The following DDC variants were observed in gnomAD, a reference collection of about 807,000 sequenced individuals.
DDC encodes the protein aromatic-L-amino-acid decarboxylase.
Under a neutral mutation model 60.0 loss-of-function variants are expected in DDC, and 43 were observed. The observed-to-expected ratio is 0.72, with a 90% confidence interval of 0.56 to 0.92. The LOEUF is 0.92. DDC is among the 40% of genes least tolerant of loss of function. The pLI is 0.00. For missense variants in DDC, 573 were observed against 620.2 expected (o/e 0.92, Z 0.81); for synonymous variants, 232 against 234.6 (o/e 0.99, Z 0.10).
intron 1 of DDC, among the ~76,000 whole-genome samples, chr7:50,557,358 T>C (rs1198993832): frequency 1.3e-5 from 2 of 152,172 alleles, no homozygotes; most frequent in African/African-American, 4.8e-5. Context: ...TCTGTAACCA[T>C]GCTGTGACCT....
chr7:50,459,742 G>A (rs2153532070), intron 14 of DDC: 1 of 162,362 alleles, frequency 6.2e-6, no homozygotes, highest in South Asian at 1.7e-4. Flanking sequence ...TCTGGGAAGT[G>A]AGGAGCGTCT....
At chr7:50,551,330 A>G (rs1383402615) in intron 1 of DDC, among the ~76,000 whole-genome samples, 1 of 150,906 alleles carries the variant, frequency 6.6e-6, no homozygotes, top group African/African-American at 2.4e-5. Flanking sequence ...TCCCAGGTTC[A>G]AGCAATTCTC....
chr7:50,538,920 A>G (rs1251352380), intron 3 of DDC, among the ~76,000 whole-genome samples: 3 of 151,870 alleles, frequency 2.0e-5, no homozygotes, highest in Non-Finnish European at 4.4e-5. Flanking sequence ...GAGGAGCAGC[A>G]CAGACACTGA....
chr7:50,541,017 C>G (rs1418035301), intron 2 of DDC, among the ~76,000 whole-genome samples: 2 of 152,154 alleles, frequency 1.3e-5, no homozygotes, highest in Non-Finnish European at 2.9e-5. Flanking sequence ...CAGTACCTGC[C>G]CTGAAGGAAC....
At chr7:50,489,797 C>T (rs1165347488) in intron 9 of DDC, among the ~76,000 whole-genome samples, 1 of 152,136 alleles carries the variant, frequency 6.6e-6, no homozygotes, top group African/African-American at 2.4e-5. Flanking sequence ...GCATCTGTGT[C>T]CCTATGCCAG....
chr7:50,467,715 C>A (rs1469784943), intron 12 of DDC, among the ~76,000 whole-genome samples: 1 of 152,208 alleles, frequency 6.6e-6, no homozygotes, highest in Admixed American at 6.5e-5. Flanking sequence ...TCAGGACAGC[C>A]CACAACACAG....
rs746900309 is a variant in DDC at position 50,544,046 on chromosome 7, C to T, written c.40G>A (p.Val14Met). Residue 14 changes from valine to methionine, a missense_variant, in exon 2 of 15, where the codon GTG becomes ATG. Val to Met is a conservative substitution (Grantham distance 21, BLOSUM62 1). Coordinates refer to ENST00000444124, the MANE Select transcript of DDC (RefSeq NM_001082971.2). Reference sequence around the variant, plus strand: ...TCCATGTAGTTGGCCATGTAATCCACCATCTCCTTCCCTCTCCTTCGGAAT... The same window carrying T: ...TCCATGTAGTTGGCCATGTAATCCATCATCTCCTTCCCTCTCCTTCGGAAT... ...SEFRRRGKEM[V>M]DYMANYMEGI... 19 of 1,614,078 alleles carry T rather than the reference C, an allele frequency of 1.2e-5. No homozygotes were observed. Among genetic ancestry groups the T allele is most frequent in the Non-Finnish European group, 6.8e-6 (8 of 1,180,026 alleles).
chr7:50,470,192 G>C (rs1333854578), intron 11 of DDC, 21 bp from the exon 12 acceptor site: 1 of 1,506,946 alleles, frequency 6.6e-7, no homozygotes, highest in East Asian at 2.3e-5. Context: ...ACATGAAACA[G>C]ACCATCAGTG....
In DDC at chr7:50,460,154, C is replaced by G. The variant is rs1266129960; in HGVS notation, c.*19-1311G>C. 1.0e-4 allele frequency among the ~76,000 whole-genome samples: 15 copies of G among 144,808 alleles called. 1 individual carries two copies. The highest frequency in any genetic ancestry group is 4.0e-4 in the African/African-American group (15 of 37,722). The allele number at this position is 144,808 out of a possible 152,430, so 95.0% of individuals were successfully genotyped here. A position where few individuals can be genotyped will look rare whatever the true frequency, so the allele number is the denominator to read the frequency against. On this transcript the variant is annotated intron_variant, in intron 14 of 14. Transcript: ENST00000444124. Reference sequence around the variant, plus strand: ...TACTGGGAAGTGAGGAGCCCCTCTGCCTGGCCAGCCGCCCCGTCCGGGAAG... The same window carrying G: ...TACTGGGAAGTGAGGAGCCCCTCTGGCTGGCCAGCCGCCCCGTCCGGGAAG...
At chr7:50,492,954 A>G (rs1378189608) in intron 9 of DDC, 1 of 1,598,270 alleles carries the variant, frequency 6.3e-7, no homozygotes. Context: ...TCACCACCGC[A>G]CTGACTAAGC....
At chr7:50,542,263 AG>A (rs1241348214) in intron 2 of DDC, 1 of 152,190 alleles carries the variant, frequency 6.6e-6, no homozygotes, top group Admixed American at 6.5e-5. Flanking sequence ...GAGCCGACAA[AG>A]ACAAAGCGCC....
chr7:50,523,013 A>G (rs2043941061), intron 6 of DDC, among the ~76,000 whole-genome samples: 2 of 152,160 alleles, frequency 1.3e-5, no homozygotes, highest in Admixed American at 6.5e-5. Context: ...CCATGATCCA[A>G]TCACCTTCCA....
intron 9 of DDC, among the ~76,000 whole-genome samples, chr7:50,486,898 A>C (rs1365972089): frequency 6.6e-6 from 1 of 152,190 alleles, no homozygotes; most frequent in Admixed American, 6.5e-5. Flanking sequence ...ATCTGTTGTA[A>C]AGTGCTATTT....
At chr7:50,468,389 C>G (rs11575511) in intron 12 of DDC, among the ~76,000 whole-genome samples, 2 of 152,174 alleles carry the variant, frequency 1.3e-5, no homozygotes, top group African/African-American at 4.8e-5. Context: ...AGCTTAAAGA[C>G]GTCATCATTG....
At chr7:50,497,357 A>G (rs2043148798) in intron 8 of DDC, among the ~76,000 whole-genome samples, 1 of 152,232 alleles carries the variant, frequency 6.6e-6, no homozygotes, top group Non-Finnish European at 1.5e-5. Flanking sequence ...TCTATGAAAG[A>G]TGAAACCTCA....
intron 4 of DDC, among the ~76,000 whole-genome samples, chr7:50,534,870 G>T (rs1336802512): frequency 2.0e-5 from 3 of 152,114 alleles, no homozygotes; most frequent in Non-Finnish European, 4.4e-5. Flanking sequence ...AAGCCATCTG[G>T]CCCTCACCAA....
chr7:50,493,878 T>A (rs929491557), intron 9 of DDC, among the ~76,000 whole-genome samples: 3 of 152,144 alleles, frequency 2.0e-5, no homozygotes, highest in Non-Finnish European at 4.4e-5. Flanking sequence ...TGACATTAGT[T>A]GTTTTGTATA....
intron 6 of DDC, among the ~76,000 whole-genome samples, chr7:50,524,789 A>G (rs1214606484): frequency 6.6e-6 from 1 of 152,240 alleles, no homozygotes; most frequent in African/African-American, 2.4e-5. Flanking sequence ...AATTAAATGT[A>G]ACAACTACCA....
chr7:50,467,655 C>T lies in DDC; in HGVS notation c.1141-340G>A, dbSNP rs577180528. On this transcript the variant is annotated intron_variant, in intron 12 of 14. Transcript: ENST00000444124. ...GGAAGAGACAATGGCTAATGCCCAT[C>T]GAGTTGCTCCTCTGTGCTTGAGGTG... Among the ~76,000 whole-genome samples, 8 of 152,348 alleles carry T rather than the reference C, an allele frequency of 5.3e-5. No homozygotes were observed. The South Asian group carries it at 1.2e-3, about 24-fold the overall frequency.
Sources: allele counts gnomAD v4.1 joint callset (sites outside exome capture counted in the v4.1 genomes callset), GRCh38; gene constraint gnomAD v4.1.1; transcripts MANE v1.5; gene names NCBI Gene and HGNC (gene_info 2026-07-23, HGNC 2026-07-21).